The following STXBP5 variants were observed in gnomAD, a reference collection of about 807,000 sequenced individuals.
STXBP5 encodes the protein syntaxin binding protein 5, also known as syntaxin-binding protein 5.
A neutral mutation model predicts 152.4 loss-of-function variants in STXBP5; 50 were observed. That is an observed-to-expected ratio of 0.33 (90% CI 0.26 to 0.42). The LOEUF (loss-of-function observed/expected upper bound fraction) is 0.42. Ranked by LOEUF, STXBP5 falls within the 10% of genes least tolerant of loss-of-function variation. The pLI is 1.00. For synonymous variants in STXBP5, 492 were observed against 494.7 expected, an observed-to-expected ratio of 0.99 and a Z score of 0.07; for missense variants, 1,167 against 1,388.6, an observed-to-expected ratio of 0.84 and a Z score of 2.54.
At chr6:147,284,828 T>TAA (rs756741134) in intron 8 of STXBP5, among the ~76,000 whole-genome samples, 2 of 152,352 alleles carry the variant, frequency 1.3e-5, no homozygotes, top group East Asian at 3.9e-4. Flanking sequence ...CAAAGTATGA[T>TAA]AAAAAGTTTG....
intron 6 of STXBP5, among the ~76,000 whole-genome samples, chr6:147,265,998 A>G (rs1289897496): frequency 6.6e-6 from 1 of 152,134 alleles, no homozygotes; most frequent in African/African-American, 2.4e-5. Flanking sequence ...CCCAGAGGAA[A>G]CGATCACTAA....
At position 147,260,427 on chromosome 6, in the gene STXBP5, A is replaced by C. The variant is rs117817400; in HGVS notation, c.432-188A>C. On this transcript the variant is annotated intron_variant, in intron 4 of 27. Transcript: ENST00000321680. The stretch of plus-strand genomic sequence containing the variant: ...TCGTGCCATGCTATCTATTTGCTGT[A>C]AGGCCTTATGTTTGATGTATAAGCT... Among the ~76,000 whole-genome samples the C allele has an allele frequency of 2.6e-5, 4 of 152,268 alleles. No homozygotes were observed. In the East Asian group the frequency reaches 7.7e-4, roughly 29 times the overall value.
At chr6:147,317,162 G>A (rs1476014665) in intron 16 of STXBP5, among the ~76,000 whole-genome samples, 1 of 152,154 alleles carries the variant, frequency 6.6e-6, no homozygotes, top group African/African-American at 2.4e-5. Context: ...TCAAGGTAGA[G>A]AGGGTAGTAA....
chr6:147,220,240 A>G (rs1777393117), intron 2 of STXBP5, among the ~76,000 whole-genome samples: 1 of 152,076 alleles, frequency 6.6e-6, no homozygotes, highest in Admixed American at 6.5e-5. Flanking sequence ...AAGAGCAGAC[A>G]TTGTATAGTT....
chr6:147,309,038 A>G (rs566130765), intron 9 of STXBP5, among the ~76,000 whole-genome samples: 1 of 152,300 alleles, frequency 6.6e-6, no homozygotes, highest in East Asian at 1.9e-4. Context: ...AGGGTAAGCA[A>G]CATGCCAAAG....
intron 21 of STXBP5, among the ~76,000 whole-genome samples, chr6:147,346,687 C>T (rs1015157443): frequency 2.6e-5 from 4 of 151,938 alleles, no homozygotes; most frequent in Admixed American, 2.6e-4. Flanking sequence ...TTGCAGTGAG[C>T]CAAGATTGCA....
chr6:147,227,134 A>G (rs1198808140), intron 2 of STXBP5, among the ~76,000 whole-genome samples: 2 of 150,426 alleles, frequency 1.3e-5, no homozygotes, highest in East Asian at 3.9e-4. Flanking sequence ...GTGGATCTAG[A>G]GAGAGATCTT....
At chr6:147,224,162 A>G (rs912439157) in intron 2 of STXBP5, among the ~76,000 whole-genome samples, 5 of 152,250 alleles carry the variant, frequency 3.3e-5, no homozygotes, top group Non-Finnish European at 7.3e-5. Context: ...GCGATGGCAC[A>G]TGCCTGTAAT....
chr6:147,273,594 A>G (rs1280535080), intron 7 of STXBP5, among the ~76,000 whole-genome samples: 1 of 152,188 alleles, frequency 6.6e-6, no homozygotes, highest in Admixed American at 6.5e-5. Context: ...TGACAAAACA[A>G]TAATTTGTGC....
intron 8 of STXBP5, among the ~76,000 whole-genome samples, chr6:147,289,001 CTG>C (rs1304592428): frequency 6.6e-6 from 1 of 152,186 alleles, no homozygotes; most frequent in Non-Finnish European, 1.5e-5. Flanking sequence ...AGGCTTCCCT[CTG>C]TTTTCCAGTG....
At chr6:147,303,164 T>G (rs1337604190) in intron 9 of STXBP5, among the ~76,000 whole-genome samples, 2 of 152,200 alleles carry the variant, frequency 1.3e-5, no homozygotes, top group East Asian at 3.9e-4. Context: ...TTAGTACTGA[T>G]ATGGTTTGAC....
intron 2 of STXBP5, among the ~76,000 whole-genome samples, chr6:147,219,435 T>C (rs952169667): frequency 6.6e-6 from 1 of 152,174 alleles, no homozygotes; most frequent in African/African-American, 2.4e-5. Flanking sequence ...GCTCATAAAA[T>C]GAGTTAGGAT....
intron 21 of STXBP5, among the ~76,000 whole-genome samples, chr6:147,347,567 TA>T (rs1562260863): frequency 6.6e-6 from 1 of 152,110 alleles, no homozygotes; most frequent in Non-Finnish European, 1.5e-5. Flanking sequence ...AATGTGAAAA[TA>T]ATATAACTAA....
rs925277596 is a variant in STXBP5 at position 147,387,477 on chromosome 6, A to G, written c.*2722A>G. 2.8e-4 allele frequency: 43 copies of G among 151,770 alleles called. No homozygotes were observed. Among genetic ancestry groups the G allele is most frequent in the African/African-American group, 1.0e-3 (42 of 41,420 alleles). The allele number at this position is 151,770 out of a possible 1,614,324, so 9.4% of individuals were successfully genotyped here. A position where few individuals can be genotyped will look rare whatever the true frequency, so the allele number is the denominator to read the frequency against. On this transcript the variant is annotated 3_prime_UTR_variant, in exon 28 of 28. Coordinates refer to ENST00000321680, the MANE Select transcript of STXBP5 (RefSeq NM_001127715.4). Reference sequence around the variant, plus strand: ...AGGAAGTGGTTTTTCTGTATGTACCATATATCCAGTTCATTTCAGTTTTCA... The same window carrying G: ...AGGAAGTGGTTTTTCTGTATGTACCGTATATCCAGTTCATTTCAGTTTTCA...
At chr6:147,344,105 A>C (rs1298504789) in intron 21 of STXBP5, among the ~76,000 whole-genome samples, 3 of 152,196 alleles carry the variant, frequency 2.0e-5, no homozygotes, top group Admixed American at 1.3e-4. Flanking sequence ...TTTAGAATGA[A>C]TAAAAATTGG....
In STXBP5 at chr6:147,385,813, C is replaced by G. The variant is rs1303361855; in HGVS notation, c.*1058C>G. The G allele has an allele frequency of 6.6e-6, 1 of 152,066 alleles. No homozygotes were observed. Among genetic ancestry groups the G allele is most frequent in the Non-Finnish European group, 1.5e-5 (1 of 67,992 alleles). The allele number at this position is 152,066 out of a possible 1,614,324, so 9.4% of individuals were successfully genotyped here. A position where few individuals can be genotyped will look rare whatever the true frequency, so the allele number is the denominator to read the frequency against. ...TATTTGCTAACTGTTCCAATACACT[C>G]AGGTGATGAGCCAATTAAATGTTAG... On this transcript the variant is annotated 3_prime_UTR_variant, in exon 28 of 28. Coordinates refer to ENST00000321680, the MANE Select transcript of STXBP5 (RefSeq NM_001127715.4).
intron 2 of STXBP5, among the ~76,000 whole-genome samples, chr6:147,216,448 C>G (rs1777172866): frequency 6.6e-6 from 1 of 152,110 alleles, no homozygotes; most frequent in African/African-American, 2.4e-5. Flanking sequence ...AATTCAGATT[C>G]TTGGCCACTT....
At chr6:147,275,866 T>C (rs1438090659) in intron 7 of STXBP5, among the ~76,000 whole-genome samples, 2 of 152,120 alleles carry the variant, frequency 1.3e-5, no homozygotes, top group Non-Finnish European at 2.9e-5. Context: ...CATAAACAAG[T>C]AAATATTCTT....
intron 9 of STXBP5, among the ~76,000 whole-genome samples, chr6:147,293,803 T>C (rs1781392080): frequency 6.6e-6 from 1 of 152,128 alleles, no homozygotes; most frequent in South Asian, 2.1e-4. Context: ...ATACATATCG[T>C]TAGTAATGAA....
Sources: gnomAD v4.1 joint callset for allele counts (sites outside exome capture counted in the v4.1 genomes callset) on GRCh38, gnomAD v4.1.1 for gene constraint, MANE v1.5 for transcripts, NCBI Gene and HGNC (gene_info 2026-07-23, HGNC 2026-07-21) for gene names.